SH3RF3: variants seen among roughly 807,000 people sequenced by gnomAD.
SH3RF3 encodes SH3 domain containing ring finger 3, also known as E3 ubiquitin-protein ligase SH3RF3.
A neutral mutation model predicts 66.3 loss-of-function variants in SH3RF3; 29 were observed. That is an observed-to-expected ratio of 0.44 (90% CI 0.33 to 0.60). The LOEUF is 0.60. SH3RF3 is among the 20% of genes least tolerant of loss of function. SH3RF3 has a pLI of 0.04. For missense variants in SH3RF3, 1,194 were observed against 1,190.9 expected, an observed-to-expected ratio of 1.00 and a Z score of -0.04; for synonymous variants, 583 against 532.0, an observed-to-expected ratio of 1.10 and a Z score of -1.32.
chr2:109,380,928 G>A (rs991840604), intron 3 of SH3RF3, among the ~76,000 whole-genome samples: 7 of 152,244 alleles, frequency 4.6e-5, no homozygotes, highest in African/African-American at 1.7e-4. Flanking sequence ...ACTCAGCCTT[G>A]CCAGAAAGAA....
intron 8 of SH3RF3, among the ~76,000 whole-genome samples, chr2:109,464,913 T>G (rs1242058336): frequency 6.6e-6 from 1 of 152,216 alleles, no homozygotes; most frequent in African/African-American, 2.4e-5. Context: ...GTGTCCAGCA[T>G]TATAGTATCA....
At chr2:109,313,030 T>C (rs762898161) in intron 1 of SH3RF3, among the ~76,000 whole-genome samples, 19 of 152,194 alleles carry the variant, frequency 1.2e-4, no homozygotes, top group Non-Finnish European at 2.6e-4. Context: ...TGGGCAAATC[T>C]GCAGTGTTAA....
intron 1 of SH3RF3, among the ~76,000 whole-genome samples, chr2:109,260,208 G>C (rs1306787239): frequency 6.6e-6 from 1 of 152,112 alleles, no homozygotes; most frequent in Non-Finnish European, 1.5e-5. Context: ...ACTACTGATG[G>C]TTGGCAGCCC....
intron 1 of SH3RF3, among the ~76,000 whole-genome samples, chr2:109,206,580 G>T (rs1234872145): frequency 6.6e-6 from 1 of 151,592 alleles, no homozygotes; most frequent in South Asian, 2.1e-4. Flanking sequence ...AGGTCAAGGA[G>T]GGAGGATAGC....
chr2:109,297,096 T>A (rs1437822888), intron 1 of SH3RF3, among the ~76,000 whole-genome samples: 1 of 151,956 alleles, frequency 6.6e-6, no homozygotes, highest in Non-Finnish European at 1.5e-5. Context: ...GTGACCGGGA[T>A]GGGAAGCCCA....
At chr2:109,303,259 T>G (rs547762694) in intron 1 of SH3RF3, among the ~76,000 whole-genome samples, 1 of 152,172 alleles carries the variant, frequency 6.6e-6, no homozygotes, top group Non-Finnish European at 1.5e-5. Context: ...GAGGACCACC[T>G]CCCTCACATA....
At chr2:109,304,889 G>A (rs978549308) in intron 1 of SH3RF3, among the ~76,000 whole-genome samples, 9 of 152,158 alleles carry the variant, frequency 5.9e-5, no homozygotes, top group African/African-American at 2.2e-4. Context: ...ATGGGGTGAC[G>A]CTGCTGAGGT....
intron 8 of SH3RF3, among the ~76,000 whole-genome samples, chr2:109,488,584 T>C (rs994512951): frequency 1.8e-4 from 28 of 152,238 alleles, no homozygotes; most frequent in Admixed American, 9.2e-4. Context: ...CCCAGGGTTC[T>C]GCCCCCGACC....
chr2:109,193,461 G>C (rs1190664763), intron 1 of SH3RF3, among the ~76,000 whole-genome samples: 1 of 152,198 alleles, frequency 6.6e-6, no homozygotes, highest in Admixed American at 6.5e-5. Flanking sequence ...GGGCAACTCT[G>C]TGGGTCTCCC....
intron 1 of SH3RF3, among the ~76,000 whole-genome samples, chr2:109,178,898 GAA>G (rs1264331523): frequency 3.3e-5 from 5 of 152,132 alleles, no homozygotes; most frequent in Admixed American, 2.6e-4. Context: ...AACCTCCTGA[GAA>G]AGTAGTTATG....
intron 1 of SH3RF3, among the ~76,000 whole-genome samples, chr2:109,225,501 C>T (rs563492587): frequency 1.3e-5 from 2 of 152,254 alleles, no homozygotes; most frequent in Non-Finnish European, 2.9e-5. Context: ...TGGGCTGACC[C>T]ACCTGGCCCA....
intron 1 of SH3RF3, among the ~76,000 whole-genome samples, chr2:109,345,983 C>T (rs1382302805): frequency 6.6e-6 from 1 of 152,238 alleles, no homozygotes; most frequent in African/African-American, 2.4e-5. Context: ...GATTCCCTGG[C>T]TGGCGGCTGA....
Position 109,260,168 on chromosome 2 carries a change from T to C in SH3RF3, c.574-87506T>C, listed in dbSNP as rs551465744. On this transcript the variant is annotated intron_variant, in intron 1 of 9. Transcript: ENST00000309415. ...GGGAATAAATGCATTCCCGAGACTT[T>C]CCTGGCGGCTGTTGATAAGCCTGCA... 7.2e-5 allele frequency among the ~76,000 whole-genome samples: 11 copies of C among 152,272 alleles called. No homozygotes were observed. In the East Asian group the frequency reaches 1.5e-3, roughly 21 times the overall value.
intron 8 of SH3RF3, among the ~76,000 whole-genome samples, chr2:109,469,284 A>G (rs1180106791): frequency 6.6e-6 from 1 of 152,226 alleles, no homozygotes; most frequent in Non-Finnish European, 1.5e-5. Flanking sequence ...AGCCCTAAAG[A>G]CACCACCTCA....
At chr2:109,284,710 C>A (rs1166805779) in intron 1 of SH3RF3, among the ~76,000 whole-genome samples, 1 of 152,168 alleles carries the variant, frequency 6.6e-6, no homozygotes, top group East Asian at 1.9e-4. Context: ...CTAGGCCAGG[C>A]AGATCATCTT....
intron 1 of SH3RF3, among the ~76,000 whole-genome samples, chr2:109,286,085 A>G (rs377056963): frequency 2.6e-5 from 4 of 152,306 alleles, no homozygotes; most frequent in East Asian, 3.9e-4. Flanking sequence ...TCAGGTGCCT[A>G]TCATTACATG....
chr2:109,270,477 G>T (rs1364309622), intron 1 of SH3RF3, among the ~76,000 whole-genome samples: 3 of 152,182 alleles, frequency 2.0e-5, no homozygotes, highest in African/African-American at 7.2e-5. Context: ...CCTGAGCTGG[G>T]GCTCTGAGCC....
At chr2:109,302,840 G>A (rs1284747114) in intron 1 of SH3RF3, among the ~76,000 whole-genome samples, 1 of 152,178 alleles carries the variant, frequency 6.6e-6, no homozygotes, top group African/African-American at 2.4e-5. Flanking sequence ...CTCTACATCT[G>A]AACATGAGAT....
At chr2:109,279,231 C>T (rs1026848271) in intron 1 of SH3RF3, among the ~76,000 whole-genome samples, 1 of 152,158 alleles carries the variant, frequency 6.6e-6, no homozygotes, top group African/African-American at 2.4e-5. Context: ...TTGTCGAGAG[C>T]CCTGCTGACT....
Sources: allele counts gnomAD v4.1 joint callset (sites outside exome capture counted in the v4.1 genomes callset), GRCh38; gene constraint gnomAD v4.1.1; transcripts MANE v1.5; gene names NCBI Gene and HGNC (gene_info 2026-07-23, HGNC 2026-07-21).